The following SYT2 variants were observed in gnomAD, a reference collection of about 807,000 sequenced individuals.
SYT2 encodes the protein synaptotagmin-2.
SYT2 carries 15 observed loss-of-function variants against 39.9 expected under a neutral mutation model. The ratio of observed to expected loss-of-function variants is 0.38; its 90% CI spans 0.25 to 0.58. The LOEUF (loss-of-function observed/expected upper bound fraction) is 0.58. Among genes scored for constraint, SYT2 ranks in the 20% least tolerant of loss-of-function variants. SYT2 has a pLI of 0.70. For synonymous variants in SYT2, 181 were observed against 204.5 expected, an observed-to-expected ratio of 0.89 and a Z score of 0.98; for missense variants, 389 against 530.3, an observed-to-expected ratio of 0.73 and a Z score of 2.62.
At position 202,602,054 on chromosome 1, in the gene SYT2, G is replaced by T; in HGVS notation, c.637C>A (p.Pro213Thr). ...GTTTTGCCCCCAAGCTCCTGGTATGGCACCTGCAGGGCACAAGCAGAATCA... is the reference window on the plus strand; with the variant it reads ...GTTTTGCCCCCAAGCTCCTGGTATGTCACCTGCAGGGCACAAGCAGAATCA... ...AFNETFTFKV[P>T]YQELGGKTLV... The change falls in exon 6 of 9, where the codon CCA becomes ACA. Residue 213 changes from proline (P) to threonine (T), a missense_variant. Physicochemically the swap from Pro to Thr is conservative, Grantham distance 38. Coordinates refer to ENST00000367268, the MANE Select transcript of SYT2 (RefSeq NM_177402.5). 1 of 1,614,048 alleles carries T rather than the reference G, an allele frequency of 6.2e-7. No individual in the cohort carries two copies. The highest frequency in any genetic ancestry group is 1.7e-5 in the Admixed American group (1 of 60,030).
rs1237676550 is a variant in SYT2 at position 202,605,738 on chromosome 1, A to G, written c.35T>C (p.Ile12Thr). The change falls in exon 2 of 9, where the codon ATT (isoleucine) becomes ACT (threonine). Residue 12 changes from isoleucine (I) to threonine (T), a missense_variant. This residue lies in a region of SYT2 where 280 missense variants were observed against 335.6 expected (regional missense o/e 0.83). Coordinates refer to ENST00000367268, the MANE Select transcript of SYT2 (RefSeq NM_177402.5). ...GGCGGTGGTGGTGGCAGGAGCCACA[A>G]TAGGCTCCTGGTTCCTCTTGAAAAT... ...RNIFKRNQEP[I>T]VAPATTTATM... The G allele has an allele frequency of 3.1e-6, 5 of 1,613,942 alleles. No individual in the cohort carries two copies. Among genetic ancestry groups the G allele is most frequent in the South Asian group, 1.1e-5 (1 of 91,082 alleles).
At chr1:202,636,413 C>T in intron 1 of SYT2, 3 of 985,052 alleles carry the variant, frequency 3.0e-6, no homozygotes, top group Non-Finnish European at 3.6e-6. Flanking sequence ...TGTGCATCCG[C>T]TAGGCTCACT....
chr1:202,625,591 A>G (rs1304357516), intron 1 of SYT2, among the ~76,000 whole-genome samples: 1 of 151,702 alleles, frequency 6.6e-6, no homozygotes, highest in Admixed American at 6.6e-5. Context: ...CGTTGAGGAG[A>G]CCTAGCGGTG....
At chr1:202,646,651 TA>T (rs1692089107) in intron 1 of SYT2, among the ~76,000 whole-genome samples, 1 of 152,222 alleles carries the variant, frequency 6.6e-6, no homozygotes, top group African/African-American at 2.4e-5. Context: ...ATTTTGATTA[TA>T]AAACAGACTT....
rs1439258444 is a variant in SYT2 at position 202,614,840 on chromosome 1, G to C, written c.-17-9051C>G. On this transcript the variant is annotated intron_variant, in intron 1 of 8. Transcript: ENST00000367268. The surrounding 1 kb of genome is among the most constrained non-coding windows in gnomAD (Gnocchi z 4.0). ...GCTGGAGTGGATGGATCACGGTTCA[G>C]GGTGAGGCTGGCAGGCCGGGCAGGG... Among the ~76,000 whole-genome samples the C allele has an allele frequency of 6.6e-6, 1 of 152,224 alleles. No homozygotes were observed. The highest frequency in any genetic ancestry group is 1.5e-5 in the Non-Finnish European group (1 of 68,036).
At chr1:202,625,014 TGTA>T (rs1440030837) in intron 1 of SYT2, among the ~76,000 whole-genome samples, 3 of 139,634 alleles carry the variant, frequency 2.1e-5, no homozygotes, top group South Asian at 2.4e-4. Flanking sequence ...TGGTGTGGCA[TGTA>T]GTAGGTTGTG....
At chr1:202,624,058 G>A (rs1443708975) in intron 1 of SYT2, among the ~76,000 whole-genome samples, 1 of 152,160 alleles carries the variant, frequency 6.6e-6, no homozygotes. Context: ...GCCGATCACC[G>A]CCCCTCTAAG....
At chr1:202,624,392 G>A (rs544634449) in intron 1 of SYT2, among the ~76,000 whole-genome samples, 6 of 151,704 alleles carry the variant, frequency 4.0e-5, no homozygotes, top group Admixed American at 3.3e-4. Flanking sequence ...TGGTGTGTAC[G>A]TATGTGTGGT....
intron 1 of SYT2, among the ~76,000 whole-genome samples, chr1:202,667,344 A>G (rs1310021847): frequency 2.6e-5 from 4 of 152,152 alleles, no homozygotes; most frequent in Non-Finnish European, 5.9e-5. Flanking sequence ...CTCCCACCCT[A>G]CAGTCTCCAC....
rs117870150 is a variant in SYT2 at position 202,616,530 on chromosome 1, G to A, written c.-17-10741C>T. Among the ~76,000 whole-genome samples, 105 of 152,058 alleles carry A rather than the reference G, an allele frequency of 6.9e-4. No homozygotes were observed. The South Asian group carries it at 0.01, about 15-fold the overall frequency. ...CACATATACACACGTGCACACACAC[G>A]CACACATGGTCCCCATTTCGTCACG... On this transcript the variant is annotated intron_variant, in intron 1 of 8. Transcript: ENST00000367268.
intron 1 of SYT2, among the ~76,000 whole-genome samples, chr1:202,638,847 T>C (rs1305210745): frequency 1.3e-5 from 2 of 152,224 alleles, no homozygotes; most frequent in African/African-American, 4.8e-5. Flanking sequence ...GCCTTGTCAA[T>C]GGAAGTGAGA....
chr1:202,609,557 T>C (rs1282359883), intron 1 of SYT2, among the ~76,000 whole-genome samples: 3 of 152,216 alleles, frequency 2.0e-5, no homozygotes, highest in Admixed American at 6.5e-5. Context: ...ACCTGTTGTT[T>C]CCTGACTTTT....
chr1:202,642,006 G>A (rs1473537093), intron 1 of SYT2, among the ~76,000 whole-genome samples: 2 of 152,132 alleles, frequency 1.3e-5, no homozygotes, highest in Admixed American at 1.3e-4. Context: ...CTTCCCAGAG[G>A]ATAGGTCATT....
At chr1:202,602,880 C>T (rs902863102) in intron 4 of SYT2, 119 bp downstream of exon 4, 57 of 1,295,620 alleles carry the variant, frequency 4.4e-5, no homozygotes, top group Non-Finnish European at 5.7e-5. Flanking sequence ...CAGCCTGCCT[C>T]ATTCTATGGA....
At chr1:202,653,219 C>G (rs146843287) in intron 1 of SYT2, among the ~76,000 whole-genome samples, 2 of 152,150 alleles carry the variant, frequency 1.3e-5, no homozygotes, top group Admixed American at 1.3e-4. Flanking sequence ...GTCCCCAACA[C>G]GGACCCCCCC....
At chr1:202,645,950 T>A (rs1363839841) in intron 1 of SYT2, among the ~76,000 whole-genome samples, 1 of 152,192 alleles carries the variant, frequency 6.6e-6, no homozygotes, top group African/African-American at 2.4e-5. Context: ...TTGATTCTTA[T>A]CAACTTTCCC....
chr1:202,600,242 A>G lies in SYT2; in HGVS notation c.919+115T>C, dbSNP rs537482829. ...AGGCTCCCCCGCTCCTCGAGGAGAC[A>G]TCTCAGTCCCAGGGCAGCAAAGTGT... is the stretch of plus-strand genomic sequence containing the variant. On this transcript the variant is annotated intron_variant, in intron 7 of 8. Coordinates refer to ENST00000367268, the MANE Select transcript of SYT2 (RefSeq NM_177402.5). The G allele has an allele frequency of 1.1e-4, 92 of 841,268 alleles. 1 individual carries two copies. In the South Asian group the frequency reaches 1.2e-3, roughly 11 times the overall value. 52.1% of individuals were successfully genotyped at this position (841,268 alleles called of 1,614,324 possible). A position where few individuals can be genotyped will look rare whatever the true frequency, so the allele number is the denominator to read the frequency against.
chr1:202,706,531 C>T (rs1654256018), intron 1 of SYT2, among the ~76,000 whole-genome samples: 2 of 152,196 alleles, frequency 1.3e-5, no homozygotes, highest in African/African-American at 4.8e-5. Context: ...CTCCATTCTA[C>T]AGATGGCAAG....
intron 1 of SYT2, among the ~76,000 whole-genome samples, chr1:202,617,644 C>T (rs1434705855): frequency 4.6e-5 from 7 of 152,144 alleles, no homozygotes; most frequent in South Asian, 4.1e-4. Flanking sequence ...CTTCCAAGAA[C>T]GCCTTCCTCC....
Sources: gnomAD v4.1 joint callset for allele counts (sites outside exome capture counted in the v4.1 genomes callset) on GRCh38, gnomAD v4.1.1 for gene constraint, gnomAD v4.1.1 regional missense constraint, Gnocchi (gnomAD v3.1) non-coding constraint, MANE v1.5 for transcripts, NCBI Gene and HGNC (gene_info 2026-07-23, HGNC 2026-07-21) for gene names.